Variants in MYOZ3 observed in about 807,000 individuals in gnomAD.
The protein encoded by MYOZ3 is myozenin 3.
Under a neutral mutation model 26.5 loss-of-function variants are expected in MYOZ3, and 19 were observed. The observed-to-expected ratio is 0.72, with a 90% CI of 0.50 to 1.05. MYOZ3 has a LOEUF of 1.05. MYOZ3 is among the 50% of genes least tolerant of loss of function. The probability of loss-of-function intolerance (pLI) is 0.00; values close to 1 mark genes in which losing one functional copy is unlikely to be tolerated. For synonymous variants in MYOZ3, 135 were observed against 138.8 expected, an observed-to-expected ratio of 0.97 and a Z score of 0.19; for missense variants, 322 against 337.1, an observed-to-expected ratio of 0.96 and a Z score of 0.35.
chr5:150,676,401 G>A lies in MYOZ3; in HGVS notation c.588-306G>A, dbSNP rs1287589758. On this transcript the variant is annotated intron_variant, in intron 6 of 6. Coordinates refer to ENST00000517768, the MANE Select transcript of MYOZ3 (RefSeq NM_001122853.3). ...TCTACTAAAAATACAAAAATTAGCC[G>A]GGCATGGTGGCACGTGCCTGTAATC... 2.6e-5 allele frequency among the ~76,000 whole-genome samples: 4 copies of A among 151,968 alleles called. No homozygotes were observed. In the South Asian group the frequency reaches 6.3e-4, roughly 24 times the overall value.
rs1759019353 is a variant in MYOZ3, at chr5:150,676,886, A to T, written c.*11A>T. Reference sequence around the variant, plus strand: ...TCCGAGGAGCTGTAGCCCTAGCCTGAATCTTCAGTTCCCCAGTCTCGGGGG... The same window carrying T: ...TCCGAGGAGCTGTAGCCCTAGCCTGTATCTTCAGTTCCCCAGTCTCGGGGG... On this transcript the variant is annotated 3_prime_UTR_variant, in exon 7 of 7. Transcript: ENST00000517768. 1 of 1,599,264 alleles carries T rather than the reference A, an allele frequency of 6.3e-7. No homozygotes were observed. Among genetic ancestry groups the T allele is most frequent in the Non-Finnish European group, 8.5e-7 (1 of 1,174,434 alleles).
At chr5:150,675,739 C>T (rs73276186) in intron 6 of MYOZ3, among the ~76,000 whole-genome samples, 13,416 of 152,204 alleles carry the variant, frequency 0.088, 1,838 homozygotes, top group African/African-American at 0.29. Flanking sequence ...CTAGTGGACA[C>T]GTGGGTTGTT....
Position 150,671,635 on chromosome 5 carries a change from A to G in MYOZ3, c.255A>G (p.Thr85=). ...GCGCCAGGAGGAAGGTGACTGGAAC[A>G]GCGGAGTCGGGGACGGTGAGCGTGG... ...AGSARRKVTG[T]AESGTVANAN... Residue 85 remains threonine, a synonymous_variant, in exon 4 of 7, where the codon ACA becomes ACG. Coordinates refer to ENST00000517768, the MANE Select transcript of MYOZ3 (RefSeq NM_001122853.3). 6.2e-7 allele frequency: 1 copy of G among 1,613,820 alleles called. No homozygotes were observed. Among genetic ancestry groups the G allele is most frequent in the East Asian group, 2.2e-5 (1 of 44,870 alleles).
At chr5:150,674,888 T>A (rs1758978771) in intron 6 of MYOZ3, among the ~76,000 whole-genome samples, 1 of 152,084 alleles carries the variant, frequency 6.6e-6, no homozygotes, top group Non-Finnish European at 1.5e-5. Flanking sequence ...CACACACTTG[T>A]AATCCCAGCT....
At chr5:150,666,976 C>T (rs1758820836) in intron 2 of MYOZ3, among the ~76,000 whole-genome samples, 1 of 152,080 alleles carries the variant, frequency 6.6e-6, no homozygotes, top group Non-Finnish European at 1.5e-5. Flanking sequence ...CCAGGTTGGT[C>T]TTGAACTCCT....
At chr5:150,675,153 G>A (rs576258929) in intron 6 of MYOZ3, among the ~76,000 whole-genome samples, 1 of 152,318 alleles carries the variant, frequency 6.6e-6, no homozygotes, top group Non-Finnish European at 1.5e-5. Context: ...AAGGTAACAT[G>A]GTTGTCAGGC....
chr5:150,671,744 C>T lies in MYOZ3; in HGVS notation c.271-11C>T. On this transcript the variant is annotated splice_polypyrimidine_tract_variant and intron_variant, in intron 4 of 6. Coordinates refer to ENST00000517768, the MANE Select transcript of MYOZ3 (RefSeq NM_001122853.3). ...CGTCGGTGGCCTCTGAGAACCCGCC[C>T]CTGTGCCCAGGTTGCCAATGCCAAT... 1 of 1,613,324 alleles carries T rather than the reference C, an allele frequency of 6.2e-7. No individual in the cohort carries two copies. The highest frequency in any genetic ancestry group is 1.7e-5 in the Admixed American group (1 of 60,024).
At chr5:150,672,223 TC>T (rs1758927401) in intron 5 of MYOZ3, 116 bp from the exon 6 acceptor site, 1 of 1,449,670 alleles carries the variant, frequency 6.9e-7, no homozygotes, top group African/African-American at 1.4e-5. Flanking sequence ...CGCCGTCCTC[TC>T]CCCTAACTCC....
rs761940854 is a variant in MYOZ3, at chr5:150,676,775, C to G, written c.656C>G (p.Pro219Arg). ...TFPRPGTPFIPEPLSGLELLR... is the reference protein window; with the variant it reads ...TFPRPGTPFIREPLSGLELLR... ...CCCAGGCCAGGCACCCCCTTCATCC[C>G]GGAGCCCCTCAGTGGCTTGGAACTC... The change falls in exon 7 of 7, where the codon CCG (proline) becomes CGG (arginine). Residue 219 changes from proline to arginine, a missense_variant. Physicochemically the swap from Pro to Arg is moderately radical, Grantham distance 103. Transcript: ENST00000517768. The G allele has an allele frequency of 6.2e-7, 1 of 1,614,060 alleles. No homozygotes were observed. Among genetic ancestry groups the G allele is most frequent in the Admixed American group, 1.7e-5 (1 of 60,006 alleles).
chr5:150,663,395 C>T (rs185289160), intron 2 of MYOZ3, among the ~76,000 whole-genome samples: 108 of 152,288 alleles, frequency 7.1e-4, no homozygotes, highest in African/African-American at 2.5e-3. Context: ...TGGGTCTCAC[C>T]GAGGCCTCTG....
intron 6 of MYOZ3, among the ~76,000 whole-genome samples, chr5:150,674,671 G>T (rs1482686977): frequency 6.6e-6 from 1 of 152,206 alleles, no homozygotes; most frequent in Non-Finnish European, 1.5e-5. Context: ...GTCCCAGGCT[G>T]CTGGAAAAAC....
In MYOZ3 at chr5:150,679,368, A is replaced by G. The variant is rs1759069590; in HGVS notation, c.*2493A>G. On this transcript the variant is annotated 3_prime_UTR_variant, in exon 7 of 7. Transcript: ENST00000517768. ...AATAAAAAAATAATAATAAGCAAGGAGTAAAATGTGAAGTGTCTGCCCACA... is the reference window on the plus strand; with the variant it reads ...AATAAAAAAATAATAATAAGCAAGGGGTAAAATGTGAAGTGTCTGCCCACA... The G allele has an allele frequency of 6.6e-6, 1 of 152,368 alleles. No homozygotes were observed. 9.4% of individuals were successfully genotyped at this position (152,368 alleles called of 1,614,324 possible). A position where few individuals can be genotyped will look rare whatever the true frequency, so the allele number is the denominator to read the frequency against.
At chr5:150,672,227 C>G (rs1414958460) in intron 5 of MYOZ3, 113 bp from the exon 6 acceptor site, 2 of 1,480,646 alleles carry the variant, frequency 1.4e-6, no homozygotes, top group African/African-American at 1.4e-5. Flanking sequence ...GTCCTCTCCC[C>G]TAACTCCGAT....
At chr5:150,670,886 C>CGAAAAA (rs1758894900) in intron 3 of MYOZ3, 2 of 67,800 alleles carry the variant, frequency 2.9e-5, no homozygotes, top group Admixed American at 3.7e-4. Context: ...TGGCTCCTAC[C>CGAAAAA]AAAAAAAAAA....
chr5:150,664,547 C>T (rs958688670), intron 2 of MYOZ3, among the ~76,000 whole-genome samples: 2 of 152,062 alleles, frequency 1.3e-5, no homozygotes, highest in Admixed American at 6.6e-5. Flanking sequence ...AAATGTTTAC[C>T]ATCATTGCAT....
At chr5:150,667,245 C>T (rs1243233768) in intron 2 of MYOZ3, among the ~76,000 whole-genome samples, 1 of 152,218 alleles carries the variant, frequency 6.6e-6, no homozygotes, top group African/African-American at 2.4e-5. Context: ...AGTTCATTCA[C>T]TATCTCATGC....
At chr5:150,662,680 A>G (rs1278362712) in intron 1 of MYOZ3, among the ~76,000 whole-genome samples, 1 of 152,004 alleles carries the variant, frequency 6.6e-6, no homozygotes, top group East Asian at 1.9e-4. Context: ...GGCCCTAGAA[A>G]CCACCCCTGA....
At chr5:150,663,831 CA>C (rs879388132) in intron 2 of MYOZ3, among the ~76,000 whole-genome samples, 131 of 135,780 alleles carry the variant, frequency 9.6e-4, no homozygotes, top group Non-Finnish European at 6.6e-4. Flanking sequence ...TCCATCTCTA[CA>C]AAAAAAAAAA....
chr5:150,671,477 C>T, intron 3 of MYOZ3, 120 bp from the exon 4 acceptor site: 1 of 1,008,582 alleles, frequency 9.9e-7, no homozygotes, highest in Admixed American at 2.1e-5. Context: ...CATCCTTGTT[C>T]CCCGATGATG....
Sources: allele counts gnomAD v4.1 joint callset (sites outside exome capture counted in the v4.1 genomes callset), GRCh38; gene constraint gnomAD v4.1.1; transcripts MANE v1.5; gene names NCBI Gene and HGNC (gene_info 2026-07-23, HGNC 2026-07-21).